The following ROBO2 variants were observed in gnomAD, a reference collection of about 807,000 sequenced individuals.
ROBO2 encodes roundabout homolog 2.
ROBO2 carries 53 observed loss-of-function variants against 160.8 expected under a neutral mutation model. That is an observed-to-expected ratio of 0.33 (90% CI 0.26 to 0.41). The LOEUF (loss-of-function observed/expected upper bound fraction) is 0.41, where lower values mean the gene tolerates loss of function less well. ROBO2 is among the 10% of genes least tolerant of loss of function. ROBO2 has a pLI of 1.00. For synonymous variants in ROBO2, 664 were observed against 611.7 expected, an observed-to-expected ratio of 1.09 and a Z score of -1.26; for missense variants, 1,577 against 1,722.4, an observed-to-expected ratio of 0.92 and a Z score of 1.49.
chr3:77,052,383 C>G (rs1280363019), intron 1 of ROBO2, among the ~76,000 whole-genome samples: 1 of 152,148 alleles, frequency 6.6e-6, no homozygotes, highest in African/African-American at 2.4e-5. Context: ...TAATAAAAGC[C>G]TTGAGAGTTA....
intron 2 of ROBO2, among the ~76,000 whole-genome samples, chr3:77,370,130 T>C (rs941022711): frequency 6.6e-6 from 1 of 152,208 alleles, no homozygotes. Flanking sequence ...AAAAGTGTGA[T>C]GGTTTGAAAA....
intron 2 of ROBO2, among the ~76,000 whole-genome samples, chr3:75,955,399 C>T (rs527994593): frequency 8.6e-5 from 13 of 151,508 alleles, no homozygotes; most frequent in East Asian, 3.9e-4. Flanking sequence ...AGTTTAATGT[C>T]GATATAACTT....
At chr3:76,591,610 T>C (rs1348833696) in intron 2 of ROBO2, among the ~76,000 whole-genome samples, 2 of 152,146 alleles carry the variant, frequency 1.3e-5, no homozygotes, top group Non-Finnish European at 1.5e-5. Flanking sequence ...CTGCCAATAG[T>C]AAACCTTGTA....
At chr3:76,611,029 A>G in intron 2 of ROBO2, among the ~76,000 whole-genome samples, 1 of 152,182 alleles carries the variant, frequency 6.6e-6, no homozygotes, top group East Asian at 1.9e-4. Context: ...GTCTGGGGTT[A>G]TGCTGGACTT....
chr3:77,182,177 C>A (rs1378088564), intron 2 of ROBO2, among the ~76,000 whole-genome samples: 2 of 151,944 alleles, frequency 1.3e-5, no homozygotes, highest in Non-Finnish European at 1.5e-5. Context: ...TAAAGTACTG[C>A]CTATCAAAAA....
intron 2 of ROBO2, among the ~76,000 whole-genome samples, chr3:76,067,926 A>G (rs527601214): frequency 5.9e-5 from 9 of 152,352 alleles, no homozygotes; most frequent in African/African-American, 2.2e-4. Context: ...ATAGCAGTGA[A>G]CAACGGGCGA....
chr3:76,505,355 GAT>G (rs2080738303), intron 2 of ROBO2, among the ~76,000 whole-genome samples: 1 of 134,254 alleles, frequency 7.4e-6, no homozygotes, highest in Non-Finnish European at 1.6e-5. Context: ...AGCAGCTAAA[GAT>G]AGTTCAGCAT....
rs1185438744 is a variant in ROBO2, at chr3:76,555,358, GAGAA to G, written c.110-542655_110-542652del. On this transcript the variant is annotated intron_variant, in intron 2 of 26. Coordinates refer to the ROBO2 transcript ENST00000487694. ...AGGAAGAGGAGGAAGAGTAGGAAGA[GAGAA>G]GAAGAAGAAGAAGAAGAAGAAGAAG... 6.0e-3 allele frequency among the ~76,000 whole-genome samples: 347 copies of G among 57,984 alleles called. 5 individuals carry two copies. The highest frequency in any genetic ancestry group is 0.017 in the African/African-American group (326 of 19,280). The allele number at this position is 57,984 out of a possible 152,430, so 38.0% of individuals were successfully genotyped here.
chr3:76,267,415 A>G (rs567424116), intron 2 of ROBO2, among the ~76,000 whole-genome samples: 2 of 152,246 alleles, frequency 1.3e-5, no homozygotes, highest in African/African-American at 4.8e-5. Flanking sequence ...ACATTCGTGG[A>G]TATTTCCTTT....
At chr3:77,026,613 T>C (rs190977751) in intron 2 of ROBO2, among the ~76,000 whole-genome samples, 2 of 152,334 alleles carry the variant, frequency 1.3e-5, no homozygotes. Flanking sequence ...GTGAAATCCT[T>C]CGAAATATCT....
At chr3:76,771,620 T>A (rs2061910916) in intron 2 of ROBO2, among the ~76,000 whole-genome samples, 1 of 151,252 alleles carries the variant, frequency 6.6e-6, no homozygotes, top group African/African-American at 2.4e-5. Context: ...TCTACTCTTT[T>A]TAAGTATTTA....
At chr3:76,664,528 C>T (rs2091948641) in intron 2 of ROBO2, among the ~76,000 whole-genome samples, 2 of 152,100 alleles carry the variant, frequency 1.3e-5, no homozygotes, top group Non-Finnish European at 1.5e-5. Context: ...GAGTATGGAG[C>T]TTGGGACAGA....
At chr3:77,605,328 A>T (rs2094506049) in intron 20 of ROBO2, among the ~76,000 whole-genome samples, 1 of 152,102 alleles carries the variant, frequency 6.6e-6, no homozygotes, top group East Asian at 1.9e-4. Context: ...TGCAAGTAAC[A>T]GCAACAGACT....
At chr3:76,589,556 G>A (rs191439337) in intron 2 of ROBO2, among the ~76,000 whole-genome samples, 44 of 152,196 alleles carry the variant, frequency 2.9e-4, no homozygotes, top group African/African-American at 9.9e-4. Context: ...GACACACATG[G>A]CAATCTATTA....
At chr3:77,626,954 G>A (rs2095040509) in intron 23 of ROBO2, among the ~76,000 whole-genome samples, 1 of 152,158 alleles carries the variant, frequency 6.6e-6, no homozygotes, top group Non-Finnish European at 1.5e-5. Context: ...CGACCACACA[G>A]CTTTTAGAGC....
At chr3:77,542,748 A>C (rs2092528568) in intron 6 of ROBO2, among the ~76,000 whole-genome samples, 1 of 152,172 alleles carries the variant, frequency 6.6e-6, no homozygotes, top group Non-Finnish European at 1.5e-5. Flanking sequence ...TAAAAATAAA[A>C]ATTCTCAACT....
chr3:77,244,968 A>G (rs185080769), intron 2 of ROBO2, among the ~76,000 whole-genome samples: 145 of 150,160 alleles, frequency 9.7e-4, no homozygotes, highest in Non-Finnish European at 1.5e-3. Context: ...TTTTTTATCA[A>G]AAAAGCAAAG....
intron 11 of ROBO2, chr3:77,564,483 C>T (rs1375578549): frequency 8.8e-6 from 4 of 455,510 alleles, no homozygotes; most frequent in East Asian, 7.0e-5. Context: ...TATAATATTG[C>T]ATGTGGAAAT....
intron 2 of ROBO2, among the ~76,000 whole-genome samples, chr3:76,688,188 T>C (rs2092723471): frequency 6.6e-6 from 1 of 152,044 alleles, no homozygotes; most frequent in Non-Finnish European, 1.5e-5. Context: ...ATTATGCTGG[T>C]TGGCAAATAA....
Sources: gnomAD v4.1 joint callset for allele counts (sites outside exome capture counted in the v4.1 genomes callset) on GRCh38, gnomAD v4.1.1 for gene constraint, MANE v1.5 for transcripts, NCBI Gene and HGNC (gene_info 2026-07-23, HGNC 2026-07-21) for gene names.